PARD3B: variants seen among roughly 807,000 people sequenced by gnomAD.
The protein encoded by PARD3B is partitioning defective 3 homolog B.
A neutral mutation model predicts 130.2 loss-of-function variants in PARD3B; 103 were observed. The ratio of observed to expected loss-of-function variants is 0.79; its 90% CI spans 0.67 to 0.93. The LOEUF (loss-of-function observed/expected upper bound fraction) is 0.93. Among genes scored for constraint, PARD3B ranks in the 40% least tolerant of loss-of-function variants. The pLI is 0.00. For missense variants in PARD3B, 1,609 were observed against 1,499.2 expected, an observed-to-expected ratio of 1.07 and a Z score of -1.21; for synonymous variants, 583 against 553.2, an observed-to-expected ratio of 1.05 and a Z score of -0.76.
intron 2 of PARD3B, among the ~76,000 whole-genome samples, chr2:204,801,633 C>A (rs1387436650): frequency 6.6e-6 from 1 of 152,168 alleles, no homozygotes; most frequent in Non-Finnish European, 1.5e-5. Context: ...TCTAAATATA[C>A]AATCATGTCA....
rs547167650 is a variant in PARD3B at position 204,904,197 on chromosome 2, T to C, written c.223-60955T>C. Among the ~76,000 whole-genome samples, 3 of 152,338 alleles carry C rather than the reference T, an allele frequency of 2.0e-5. No homozygotes were observed. The South Asian group carries it at 6.2e-4, about 32-fold the overall frequency. On this transcript the variant is annotated intron_variant, in intron 2 of 22. Transcript: ENST00000406610. ...TTCATTACTTTCCTTTGTTAAACCA[T>C]TTCTGCATTCTTCAGATAATCCAGG...
At chr2:204,710,601 G>T (rs969791709) in intron 2 of PARD3B, among the ~76,000 whole-genome samples, 1 of 152,118 alleles carries the variant, frequency 6.6e-6, no homozygotes, top group East Asian at 1.9e-4. Context: ...TTTGGATGGG[G>T]GTTCTCTGTC....
At chr2:205,520,268 C>T (rs537769607) in intron 21 of PARD3B, among the ~76,000 whole-genome samples, 1 of 152,236 alleles carries the variant, frequency 6.6e-6, no homozygotes, top group Admixed American at 6.5e-5. Context: ...CCAGGGATTC[C>T]TTGTCTGGTG....
chr2:205,037,822 A>C (rs561631398), intron 3 of PARD3B, among the ~76,000 whole-genome samples: 1 of 152,112 alleles, frequency 6.6e-6, no homozygotes, highest in Non-Finnish European at 1.5e-5. Flanking sequence ...GGGTTAACCT[A>C]TAGCAATTAA....
At chr2:204,974,480 AT>A (rs1031415746) in intron 3 of PARD3B, among the ~76,000 whole-genome samples, 3 of 152,098 alleles carry the variant, frequency 2.0e-5, no homozygotes, top group African/African-American at 7.2e-5. Context: ...TTGTTTTTAT[AT>A]TTTTTTATAC....
chr2:205,381,994 T>A (rs1231700199), intron 18 of PARD3B, among the ~76,000 whole-genome samples: 1 of 152,120 alleles, frequency 6.6e-6, no homozygotes, highest in African/African-American at 2.4e-5. Context: ...AGTTTTCATA[T>A]ACTTTTTACC....
intron 2 of PARD3B, among the ~76,000 whole-genome samples, chr2:204,791,222 A>G (rs578219902): frequency 1.3e-4 from 20 of 152,356 alleles, no homozygotes; most frequent in African/African-American, 4.6e-4. Flanking sequence ...GGGTACTGCA[A>G]CAATCAAACT....
rs867211617 is a variant in PARD3B at position 205,585,474 on chromosome 2, G to A, written c.3261-29982G>A. 5.9e-5 allele frequency among the ~76,000 whole-genome samples: 9 copies of A among 152,302 alleles called. 1 individual carries two copies. The highest frequency in any genetic ancestry group is 2.2e-4 in the African/African-American group (9 of 41,578). On this transcript the variant is annotated intron_variant, in intron 22 of 22. Transcript: ENST00000406610. This position sits in a 1 kb window ranked among gnomAD's most constrained non-coding sequence, Gnocchi z 5.4. ...CATTTAATGGGGATGAGAAGGCCAG[G>A]ATGGTAGCCTCCGGAAGAATCGGCA... is the stretch of plus-strand genomic sequence containing the variant.
At chr2:204,837,805 T>TG (rs2044102774) in intron 2 of PARD3B, among the ~76,000 whole-genome samples, 1 of 152,182 alleles carries the variant, frequency 6.6e-6, no homozygotes, top group Non-Finnish European at 1.5e-5. Flanking sequence ...GGCCATATGT[T>TG]GTTTTCTGGA....
Position 205,616,105 on chromosome 2 carries a change from C to T in PARD3B, c.*292C>T, listed in dbSNP as rs1400351960. 4 of 383,748 alleles carry T rather than the reference C, an allele frequency of 1.0e-5. 1 individual carries two copies. Among genetic ancestry groups the T allele is most frequent in the Admixed American group, 4.3e-5 (1 of 23,044 alleles). 23.8% of individuals were successfully genotyped at this position (383,748 alleles called of 1,614,324 possible). On this transcript the variant is annotated 3_prime_UTR_variant, in exon 23 of 23. Coordinates refer to ENST00000406610, the MANE Select transcript of PARD3B (RefSeq NM_001302769.2). ...AATCAGTGAGAGTGGCAACGGAACA[C>T]ACAAACAACTAATTATGGAACTCTA... is the stretch of plus-strand genomic sequence containing the variant.
intron 15 of PARD3B, among the ~76,000 whole-genome samples, chr2:205,217,203 G>T (rs2125861790): frequency 6.6e-6 from 1 of 152,274 alleles, no homozygotes; most frequent in South Asian, 2.1e-4. Context: ...GTTGTAGGTG[G>T]CATTGGATCA....
intron 11 of PARD3B, among the ~76,000 whole-genome samples, chr2:205,161,639 G>C (rs1364962625): frequency 6.6e-6 from 1 of 152,142 alleles, no homozygotes; most frequent in Non-Finnish European, 1.5e-5. Context: ...TTGAGACTTT[G>C]TTCCTGTCCC....
At position 205,463,292 on chromosome 2, in the gene PARD3B, G is replaced by A. The variant is rs1196633594; in HGVS notation, c.3044+22620G>A. On this transcript the variant is annotated intron_variant, in intron 20 of 22. Transcript: ENST00000406610. This position sits in a 1 kb window ranked among gnomAD's most constrained non-coding sequence, Gnocchi z 4.8. ...CATTGCAAGAGTGCACTCAGTTAGG[G>A]GAACTCAGCTGAGGTGAGGAACACG... Among the ~76,000 whole-genome samples the A allele has an allele frequency of 6.6e-6, 1 of 152,170 alleles. No individual in the cohort carries two copies. Among genetic ancestry groups the A allele is most frequent in the African/African-American group, 2.4e-5 (1 of 41,456 alleles).
intron 1 of PARD3B, among the ~76,000 whole-genome samples, chr2:204,650,794 A>T (rs1007336028): frequency 6.6e-6 from 1 of 152,166 alleles, no homozygotes; most frequent in African/African-American, 2.4e-5. Context: ...ACTGTTCTGC[A>T]TTCTTAACAG....
intron 3 of PARD3B, among the ~76,000 whole-genome samples, chr2:205,016,024 A>G (rs945757651): frequency 2.6e-5 from 4 of 152,172 alleles, no homozygotes; most frequent in Non-Finnish European, 5.9e-5. Flanking sequence ...GTCTCTCCAA[A>G]ATAAATCTCA....
chr2:204,571,821 A>G (rs985381826), intron 1 of PARD3B, among the ~76,000 whole-genome samples: 1 of 152,214 alleles, frequency 6.6e-6, no homozygotes, highest in Admixed American at 6.5e-5. Context: ...GAAATATTGT[A>G]ACAGAAATTA....
intron 19 of PARD3B, among the ~76,000 whole-genome samples, chr2:205,439,214 C>T (rs764364711): frequency 1.3e-5 from 2 of 152,040 alleles, no homozygotes; most frequent in African/African-American, 4.8e-5. Flanking sequence ...CCTGGCCTCC[C>T]GTATGTCTCC....
chr2:204,711,582 G>T (rs891862689), intron 2 of PARD3B, among the ~76,000 whole-genome samples: 1 of 150,722 alleles, frequency 6.6e-6, no homozygotes, highest in Non-Finnish European at 1.5e-5. Context: ...GTCTTGCTCT[G>T]TCACCCAGAC....
rs759877520 is a variant in PARD3B, at chr2:205,125,628, C to G, written c.1325C>G (p.Thr442Ser). 17 of 1,613,994 alleles carry G rather than the reference C, an allele frequency of 1.1e-5. No individual in the cohort carries two copies. The highest frequency in any genetic ancestry group is 1.4e-5 in the Non-Finnish European group (17 of 1,179,962). ...RILEVNGRDV[T>S]GRTQEELVAM... ...CATTAGGTAAATGGGAGAGATGTCA[C>G]CGGACGAACCCAGGAAGAGCTTGTG... The change falls in exon 10 of 23, where the codon ACC becomes AGC. Residue 442 changes from threonine (T) to serine (S), a missense_variant. By Grantham distance (58) the Thr-to-Ser change is moderately conservative. Coordinates refer to ENST00000406610, the MANE Select transcript of PARD3B (RefSeq NM_001302769.2). This position sits in a 1 kb window ranked among gnomAD's most constrained non-coding sequence, Gnocchi z 4.0.
Sources: gnomAD v4.1 joint callset for allele counts (sites outside exome capture counted in the v4.1 genomes callset) on GRCh38, gnomAD v4.1.1 for gene constraint, Gnocchi (gnomAD v3.1) non-coding constraint, MANE v1.5 for transcripts, NCBI Gene and HGNC (gene_info 2026-07-23, HGNC 2026-07-21) for gene names.